The following KDM4B variants were observed in gnomAD, a reference collection of about 807,000 sequenced individuals.
KDM4B encodes lysine-specific demethylase 4B.
In KDM4B, 32 loss-of-function variants were observed where a neutral mutation model predicts 125.2. That is an observed-to-expected ratio of 0.26 (90% CI 0.19 to 0.34). KDM4B has a LOEUF of 0.34. Ranked by LOEUF, KDM4B falls within the 10% of genes least tolerant of loss-of-function variation. The pLI, the probability that KDM4B is intolerant of heterozygous loss-of-function variation, is 1.00. For synonymous variants in KDM4B, 721 were observed against 677.9 expected, an observed-to-expected ratio of 1.06 and a Z score of -0.99; for missense variants, 1,190 against 1,577.7, an observed-to-expected ratio of 0.75 and a Z score of 4.16.
chr19:5,052,875 C>G (rs977810055), intron 6 of KDM4B, among the ~76,000 whole-genome samples: 3 of 152,146 alleles, frequency 2.0e-5, no homozygotes, highest in African/African-American at 7.2e-5. Context: ...CTTCTGAGCC[C>G]GGGACCCGGG....
intron 2 of KDM4B, among the ~76,000 whole-genome samples, chr19:5,017,289 A>G (rs541296049): frequency 6.6e-6 from 1 of 152,282 alleles, no homozygotes; most frequent in African/African-American, 2.4e-5. Flanking sequence ...GGCTCTGGTC[A>G]CGTGGTTGGC....
chr19:4,979,775 A>G (rs977704077), intron 1 of KDM4B, among the ~76,000 whole-genome samples: 1 of 152,238 alleles, frequency 6.6e-6, no homozygotes, highest in Non-Finnish European at 1.5e-5. Context: ...TTATGGAGCT[A>G]TCATTCACAT....
At chr19:5,037,064 G>A (rs1306160551) in intron 3 of KDM4B, among the ~76,000 whole-genome samples, 7 of 152,242 alleles carry the variant, frequency 4.6e-5, no homozygotes, top group East Asian at 1.9e-4. Context: ...AGCCCGAGGC[G>A]TTCTTTCAAG....
At chr19:5,150,923 T>G (rs2620829) in intron 22 of KDM4B, among the ~76,000 whole-genome samples, 48,990 of 152,170 alleles carry the variant, frequency 0.32, 8,433 homozygotes, top group African/African-American at 0.45. Flanking sequence ...CGGAGGCAGC[T>G]CCAGCTTTCG....
intron 1 of KDM4B, among the ~76,000 whole-genome samples, chr19:5,003,898 C>T (rs2035471483): frequency 6.6e-6 from 1 of 152,182 alleles, no homozygotes; most frequent in Admixed American, 6.5e-5. Context: ...TGTGTTTGGT[C>T]TTCCTCGTCT....
chr19:5,109,477 G>T (rs1395201598), intron 9 of KDM4B, among the ~76,000 whole-genome samples: 1 of 152,176 alleles, frequency 6.6e-6, no homozygotes, highest in Admixed American at 6.5e-5. Flanking sequence ...CCTGGGAAGG[G>T]CTGAGGGCGT....
intron 1 of KDM4B, among the ~76,000 whole-genome samples, chr19:4,995,645 A>G (rs2035176031): frequency 1.3e-5 from 2 of 152,076 alleles, no homozygotes; most frequent in African/African-American, 4.8e-5. Flanking sequence ...TGATCATTCA[A>G]CCCCAGGAAT....
At chr19:5,001,467 T>C (rs1401330063) in intron 1 of KDM4B, among the ~76,000 whole-genome samples, 2 of 152,210 alleles carry the variant, frequency 1.3e-5, no homozygotes, top group African/African-American at 4.8e-5. Flanking sequence ...TGCAGCGAAG[T>C]CCACCCAGTG....
chr19:5,052,942 C>T (rs922928303), intron 6 of KDM4B, among the ~76,000 whole-genome samples: 33 of 152,270 alleles, frequency 2.2e-4, no homozygotes, highest in African/African-American at 7.9e-4. Context: ...AAGGCATGGC[C>T]CCCCTCAGTG....
chr19:5,119,287 C>T (rs2039314563), intron 10 of KDM4B: 3 of 1,093,400 alleles, frequency 2.7e-6, no homozygotes, highest in Non-Finnish European at 1.3e-6. Context: ...CCTCGGAGCT[C>T]ACACTCCCTG....
chr19:5,047,497 G>C lies in KDM4B; in HGVS notation c.454G>C (p.Gly152Arg). Residue 152 changes from glycine (G) to arginine (R), a missense_variant, in exon 6 of 23, where the codon GGG (glycine) becomes CGG (arginine). By Grantham distance (125) the Gly-to-Arg change is moderately radical. Coordinates refer to ENST00000159111, the MANE Select transcript of KDM4B (RefSeq NM_015015.3). ...YDDDVAQWNI[G>R]SLRTILDMVE... Reference sequence around the variant, plus strand: ...ACAGGACGTGGCCCAGTGGAACATCGGGAGCCTCCGGACCATCCTGGACAT... The same window carrying C: ...ACAGGACGTGGCCCAGTGGAACATCCGGAGCCTCCGGACCATCCTGGACAT... 1 of 1,611,006 alleles carries C rather than the reference G, an allele frequency of 6.2e-7. No homozygotes were observed. Among genetic ancestry groups the C allele is most frequent in the Non-Finnish European group, 8.5e-7 (1 of 1,178,264 alleles).
intron 9 of KDM4B, among the ~76,000 whole-genome samples, chr19:5,084,414 A>G (rs946828319): frequency 1.7e-4 from 24 of 141,120 alleles, no homozygotes; most frequent in Non-Finnish European, 2.6e-4. Flanking sequence ...TATAAATTAC[A>G]TAATTTATAT....
intron 1 of KDM4B, among the ~76,000 whole-genome samples, chr19:4,998,706 G>A (rs976096975): frequency 2.6e-5 from 4 of 152,194 alleles, no homozygotes; most frequent in Admixed American, 6.5e-5. Flanking sequence ...GCACTCAGTC[G>A]TCTTGCCTGT....
In KDM4B at chr19:5,101,276, T is replaced by G. The variant is rs553390969; in HGVS notation, c.919-9346T>G. The stretch of plus-strand genomic sequence containing the variant: ...TCCTCTGTTTCTTACCAGGTTTTTG[T>G]TTTTTTTTTGATAGTTTATTTTGAT... On this transcript the variant is annotated intron_variant, in intron 9 of 22. Coordinates refer to ENST00000159111, the MANE Select transcript of KDM4B (RefSeq NM_015015.3). Among the ~76,000 whole-genome samples, 45 of 146,426 alleles carry G rather than the reference T, an allele frequency of 3.1e-4. No individual in the cohort carries two copies. The South Asian group carries it at 6.9e-3, about 22-fold the overall frequency.
chr19:4,987,320 A>C (rs976186860), intron 1 of KDM4B, among the ~76,000 whole-genome samples: 1 of 152,178 alleles, frequency 6.6e-6, no homozygotes, highest in African/African-American at 2.4e-5. Flanking sequence ...GATTGCGGTC[A>C]GGAGCGCTTT....
chr19:5,002,084 G>A (rs55902363), intron 1 of KDM4B, among the ~76,000 whole-genome samples: 54 of 151,132 alleles, frequency 3.6e-4, no homozygotes, highest in African/African-American at 1.3e-3. Flanking sequence ...TGCAACCTCC[G>A]CCTCCCAGGT....
intron 9 of KDM4B, among the ~76,000 whole-genome samples, chr19:5,090,042 T>G (rs1172125158): frequency 6.6e-6 from 1 of 152,126 alleles, no homozygotes; most frequent in African/African-American, 2.4e-5. Context: ...ACAAAAACTG[T>G]GAAGACCCCC....
intron 7 of KDM4B, among the ~76,000 whole-genome samples, chr19:5,072,214 A>C (rs2037971571): frequency 6.6e-6 from 1 of 152,034 alleles, no homozygotes. Flanking sequence ...TTGGCTTTGG[A>C]GATGGGAACT....
chr19:4,970,022 C>T (rs1200025050), intron 1 of KDM4B, among the ~76,000 whole-genome samples: 2 of 152,164 alleles, frequency 1.3e-5, no homozygotes, highest in Non-Finnish European at 2.9e-5. Flanking sequence ...TTGCTTCCGC[C>T]GAGACCCCTT....
Sources: gnomAD v4.1 joint callset for allele counts (sites outside exome capture counted in the v4.1 genomes callset) on GRCh38, gnomAD v4.1.1 for gene constraint, MANE v1.5 for transcripts, NCBI Gene and HGNC (gene_info 2026-07-23, HGNC 2026-07-21) for gene names.